Variants in ALK observed in about 807,000 individuals in gnomAD.
ALK encodes the protein ALK tyrosine kinase receptor.
Under a neutral mutation model 163.1 loss-of-function variants are expected in ALK, and 74 were observed. The observed-to-expected ratio is 0.45, with a 90% CI of 0.38 to 0.55. The LOEUF is 0.55. Ranked by LOEUF, ALK falls within the 20% of genes least tolerant of loss-of-function variation. ALK has a pLI of 0.00. For synonymous variants in ALK, 960 were observed against 843.2 expected (o/e 1.14, Z -2.40); for missense variants, 2,063 against 2,105.3 (o/e 0.98, Z 0.39).
At chr2:29,671,627 T>C (rs191409433) in intron 3 of ALK, among the ~76,000 whole-genome samples, 1 of 152,030 alleles carries the variant, frequency 6.6e-6, no homozygotes, top group Non-Finnish European at 1.5e-5. Flanking sequence ...TTCTATGAAC[T>C]TGTTGCCAGG....
At chr2:29,409,153 G>A (rs1669667034) in intron 4 of ALK, among the ~76,000 whole-genome samples, 1 of 152,156 alleles carries the variant, frequency 6.6e-6, no homozygotes, top group Non-Finnish European at 1.5e-5. Flanking sequence ...CAAGGAGTGA[G>A]CCATATTTAT....
At chr2:29,507,045 A>G (rs1397914084) in intron 4 of ALK, among the ~76,000 whole-genome samples, 4 of 152,230 alleles carry the variant, frequency 2.6e-5, no homozygotes, top group African/African-American at 9.6e-5. Flanking sequence ...GAAAAGGGAA[A>G]GCAGGGTCTT....
intron 26 of ALK, among the ~76,000 whole-genome samples, chr2:29,200,843 GTATA>G (rs1312013456): frequency 1.8e-4 from 24 of 133,306 alleles, no homozygotes; most frequent in Non-Finnish European, 6.6e-5. Flanking sequence ...ATATGTGTGT[GTATA>G]TAGATACGTA....
intron 1 of ALK, among the ~76,000 whole-genome samples, chr2:29,734,912 T>G (rs957205819): frequency 3.9e-5 from 6 of 152,180 alleles, no homozygotes; most frequent in Non-Finnish European, 7.3e-5. Context: ...ATAGATAATC[T>G]TATACATTCC....
At chr2:29,317,548 C>A (rs1666865432) in intron 8 of ALK, among the ~76,000 whole-genome samples, 1 of 152,200 alleles carries the variant, frequency 6.6e-6, no homozygotes, top group African/African-American at 2.4e-5. Context: ...CTCTTCCAAG[C>A]CCTTTGGACA....
At chr2:29,759,190 T>C (rs534805573) in intron 1 of ALK, among the ~76,000 whole-genome samples, 13 of 152,314 alleles carry the variant, frequency 8.5e-5, no homozygotes, top group African/African-American at 3.1e-4. Context: ...TTTTCTTCAT[T>C]ATTGTACTTT....
At position 29,694,893 on chromosome 2, in the gene ALK, C is replaced by T. The variant is rs2148289699; in HGVS notation, c.909G>A (p.Leu303=). ...IPSEEASQMD[L]LDGPGAERSK... ...AACGCTCTGCCCCAGGCCCATCCAG[C>T]AAGTCCATCTGGGAGGCCTCCTCGG... The change falls in exon 3 of 29, where the codon TTG becomes TTA. Residue 303 remains leucine, a synonymous_variant. Coordinates refer to ENST00000389048, the MANE Select transcript of ALK (RefSeq NM_004304.5). 6.2e-7 allele frequency: 1 copy of T among 1,614,112 alleles called. No individual in the cohort carries two copies. Among genetic ancestry groups the T allele is most frequent in the South Asian group, 1.1e-5 (1 of 91,078 alleles).
At chr2:29,412,426 C>G (rs147160806) in intron 4 of ALK, among the ~76,000 whole-genome samples, 2 of 152,286 alleles carry the variant, frequency 1.3e-5, no homozygotes, top group East Asian at 3.9e-4. Context: ...GTTTCCAGCT[C>G]TAGTCTGCAC....
intron 3 of ALK, among the ~76,000 whole-genome samples, chr2:29,545,914 GA>G (rs1378500571): frequency 6.6e-6 from 1 of 152,104 alleles, no homozygotes; most frequent in Non-Finnish European, 1.5e-5. Context: ...GCACAATTAG[GA>G]GCCTCTGCAA....
chr2:29,259,352 G>A (rs1665027168), intron 11 of ALK, among the ~76,000 whole-genome samples: 2 of 152,040 alleles, frequency 1.3e-5, no homozygotes, highest in African/African-American at 2.4e-5. Context: ...CATTACATAT[G>A]CTTCTCTTTC....
chr2:29,856,257 G>A lies in ALK; in HGVS notation c.667+63736C>T, dbSNP rs10203850. 4.7e-3 allele frequency among the ~76,000 whole-genome samples: 715 copies of A among 152,292 alleles called. 3 individuals are homozygous for A. Among genetic ancestry groups the A allele is most frequent in the African/African-American group, 0.016 (682 of 41,558 alleles). ...TAACAGGGCCCTAGCTCTCTCATCT[G>A]TAAAGTGAGAAATAATAACAGCATC... On this transcript the variant is annotated intron_variant, in intron 1 of 28. Coordinates refer to ENST00000389048, the MANE Select transcript of ALK (RefSeq NM_004304.5).
chr2:29,780,206 A>G (rs1369078096), intron 1 of ALK, among the ~76,000 whole-genome samples: 1 of 152,160 alleles, frequency 6.6e-6, no homozygotes, highest in African/African-American at 2.4e-5. Context: ...CTCTTCAGCA[A>G]CCCTCAGGGT....
At chr2:29,389,505 G>A (rs951459060) in intron 4 of ALK, among the ~76,000 whole-genome samples, 1 of 152,208 alleles carries the variant, frequency 6.6e-6, no homozygotes, top group Non-Finnish European at 1.5e-5. Context: ...TCTACAGGAA[G>A]GATGACTTCT....
chr2:29,548,891 A>G (rs1197886762), intron 3 of ALK, among the ~76,000 whole-genome samples: 1 of 152,130 alleles, frequency 6.6e-6, no homozygotes, highest in Non-Finnish European at 1.5e-5. Flanking sequence ...TCTTTGCAAC[A>G]TAAAACAAAT....
chr2:29,830,172 A>T (rs1210953217), intron 1 of ALK, among the ~76,000 whole-genome samples: 2 of 152,190 alleles, frequency 1.3e-5, no homozygotes, highest in Admixed American at 6.5e-5. Context: ...GTTTTCTATT[A>T]TTTATTTCAA....
chr2:29,337,941 G>C (rs1667672967), intron 5 of ALK, among the ~76,000 whole-genome samples: 1 of 152,308 alleles, frequency 6.6e-6, no homozygotes, highest in East Asian at 1.9e-4. Flanking sequence ...ATAGCTTGCA[G>C]TTTTCTATAA....
chr2:29,499,887 C>T (rs1421017668), intron 4 of ALK, among the ~76,000 whole-genome samples: 4 of 152,152 alleles, frequency 2.6e-5, no homozygotes, highest in Non-Finnish European at 5.9e-5. Flanking sequence ...CTTCCCCTCT[C>T]CTTCCCCTGT....
intron 1 of ALK, among the ~76,000 whole-genome samples, chr2:29,909,860 C>G (rs559842648): frequency 2.1e-4 from 32 of 152,000 alleles, no homozygotes; most frequent in African/African-American, 7.7e-4. Context: ...TGACAATAAT[C>G]CTTGAAAGTA....
At chr2:29,513,380 G>A (rs1323781257) in intron 4 of ALK, among the ~76,000 whole-genome samples, 5 of 146,142 alleles carry the variant, frequency 3.4e-5, no homozygotes, top group Admixed American at 6.8e-5. Flanking sequence ...ACAAACCTGA[G>A]AAAAACAAGC....
Sources: allele counts gnomAD v4.1 joint callset (sites outside exome capture counted in the v4.1 genomes callset), GRCh38; gene constraint gnomAD v4.1.1; transcripts MANE v1.5; gene names NCBI Gene and HGNC (gene_info 2026-07-23, HGNC 2026-07-21).